Variants in TMEM232 observed in about 807,000 individuals in gnomAD.
The protein encoded by TMEM232 is transmembrane protein 232.
A neutral mutation model predicts 78.8 loss-of-function variants in TMEM232; 80 were observed. The ratio of observed to expected loss-of-function variants is 1.01; its 90% CI spans 0.85 to 1.22. TMEM232 has a LOEUF of 1.22. Ranked by LOEUF, TMEM232 falls within the 50% of genes most tolerant of loss-of-function variation. TMEM232 has a pLI of 0.00. For missense variants in TMEM232, 881 were observed against 742.2 expected, an observed-to-expected ratio of 1.19 and a Z score of -2.17; for synonymous variants, 297 against 254.3, an observed-to-expected ratio of 1.17 and a Z score of -1.60.
chr5:110,578,283 C>T (rs1036791917), intron 10 of TMEM232, among the ~76,000 whole-genome samples: 4 of 151,816 alleles, frequency 2.6e-5, no homozygotes, highest in African/African-American at 9.7e-5. Context: ...ATAATTCTCA[C>T]AGATTTCTGT....
At chr5:110,584,388 T>C (rs1183343499) in intron 10 of TMEM232, among the ~76,000 whole-genome samples, 1 of 152,020 alleles carries the variant, frequency 6.6e-6, no homozygotes, top group Non-Finnish European at 1.5e-5. Context: ...CTAAGTGAAT[T>C]AAGCCAATCA....
intron 12 of TMEM232, among the ~76,000 whole-genome samples, chr5:110,492,124 A>G (rs1765169571): frequency 6.6e-6 from 1 of 152,014 alleles, no homozygotes; most frequent in Non-Finnish European, 1.5e-5. Context: ...TAATGGGTGC[A>G]GCACACCAAC....
chr5:110,721,673 GTA>G (rs10522202), intron 1 of TMEM232, among the ~76,000 whole-genome samples: 2 of 35,496 alleles, frequency 5.6e-5, no homozygotes, highest in South Asian at 1.2e-3. Context: ...GTGTGTGTGT[GTA>G]TATATATATC....
intron 1 of TMEM232, among the ~76,000 whole-genome samples, chr5:110,682,810 C>A (rs1792917909): frequency 6.6e-6 from 1 of 152,080 alleles, no homozygotes; most frequent in Non-Finnish European, 1.5e-5. Context: ...CTGATCCCTC[C>A]ATGGTATCTG....
intron 11 of TMEM232, among the ~76,000 whole-genome samples, chr5:110,566,577 G>C (rs1776367092): frequency 6.6e-6 from 1 of 151,882 alleles, no homozygotes; most frequent in Admixed American, 6.6e-5. Context: ...TAGCAAGAGT[G>C]ACCTTTACTC....
intron 12 of TMEM232, among the ~76,000 whole-genome samples, chr5:110,507,400 A>G (rs1767034750): frequency 6.6e-6 from 1 of 151,902 alleles, no homozygotes; most frequent in African/African-American, 2.4e-5. Context: ...TTCCACAACT[A>G]CTCTACCTCC....
intron 12 of TMEM232, among the ~76,000 whole-genome samples, chr5:110,476,466 G>A (rs1024996968): frequency 2.0e-5 from 3 of 151,932 alleles, no homozygotes; most frequent in Admixed American, 6.6e-5. Context: ...GGAACCATGA[G>A]TAAATAAATT....
At chr5:110,407,755 A>T (rs1580568748) in intron 2 of TMEM232, among the ~76,000 whole-genome samples, 2 of 152,304 alleles carry the variant, frequency 1.3e-5, no homozygotes, top group East Asian at 3.9e-4. Context: ...AACATTTTCC[A>T]GAAGAGACCA....
intron 1 of TMEM232, among the ~76,000 whole-genome samples, chr5:110,680,216 T>C (rs1377189514): frequency 6.6e-6 from 1 of 151,876 alleles, no homozygotes; most frequent in Admixed American, 6.6e-5. Context: ...CTGACCAACA[T>C]GGTGAAACCC....
chr5:110,559,915 T>G (rs1346823196), intron 11 of TMEM232, among the ~76,000 whole-genome samples: 1 of 152,102 alleles, frequency 6.6e-6, no homozygotes, highest in Non-Finnish European at 1.5e-5. Context: ...ATCACTCCAG[T>G]CTTTACCTCT....
rs149438162 is a variant in TMEM232, at chr5:110,631,308, A to C, written c.502-3428T>G. 2.0e-3 allele frequency among the ~76,000 whole-genome samples: 300 copies of C among 152,292 alleles called. 2 individuals are homozygous for C. Among genetic ancestry groups the C allele is most frequent in the Middle Eastern group, 3.4e-3 (1 of 294 alleles). ...GCTTCCTGTCTGAGGCTATGAGAAGAAACACTGCCTCAGCAGTAGCACAAA... is the reference window on the plus strand; with the variant it reads ...GCTTCCTGTCTGAGGCTATGAGAAGCAACACTGCCTCAGCAGTAGCACAAA... On this transcript the variant is annotated intron_variant, in intron 5 of 13. Coordinates refer to ENST00000455884, the MANE Select transcript of TMEM232 (RefSeq NM_001039763.4).
rs187649622 is a variant in TMEM232 at position 110,572,812 on chromosome 5, A to T, written c.1277-4187T>A. Among the ~76,000 whole-genome samples the T allele has an allele frequency of 4.3e-4, 65 of 152,064 alleles. 1 individual carries two copies. In the East Asian group the frequency reaches 0.012, roughly 27 times the overall value. ...CCCAACTGACTGACAGTTAATGAAG[A>T]AAAAAAACCTTATAAAGACAGATGG... is the stretch of plus-strand genomic sequence containing the variant. On this transcript the variant is annotated intron_variant, in intron 10 of 13. Transcript: ENST00000455884.
chr5:110,399,747 C>T (rs150605704), intron 2 of TMEM232, among the ~76,000 whole-genome samples: 2 of 152,260 alleles, frequency 1.3e-5, no homozygotes, highest in African/African-American at 4.8e-5. Flanking sequence ...CATCAACACA[C>T]AGTAAACAGA....
intron 12 of TMEM232, among the ~76,000 whole-genome samples, chr5:110,428,587 T>C (rs1038785156): frequency 2.0e-5 from 3 of 151,468 alleles, no homozygotes; most frequent in Non-Finnish European, 3.0e-5. Flanking sequence ...CAACATACTT[T>C]CTAATGTGCT....
chr5:110,421,574 C>T (rs1470765594), intron 13 of TMEM232, among the ~76,000 whole-genome samples: 1 of 152,034 alleles, frequency 6.6e-6, no homozygotes, highest in East Asian at 1.9e-4. Context: ...AAAGATACTG[C>T]CAATGCTGTC....
At chr5:110,408,330 A>G (rs1844142) in intron 2 of TMEM232, among the ~76,000 whole-genome samples, 5,477 of 152,210 alleles carry the variant, frequency 0.036, 350 homozygotes, top group African/African-American at 0.13. Flanking sequence ...GGTGCCTCAC[A>G]CCTGTAATCC....
chr5:110,623,067 C>T (rs1423645910), intron 7 of TMEM232, among the ~76,000 whole-genome samples: 4 of 151,730 alleles, frequency 2.6e-5, no homozygotes, highest in Non-Finnish European at 5.9e-5. Context: ...GAGTGGAAAA[C>T]TCAATCCAGC....
At chr5:110,400,788 TA>T (rs1314677863) in intron 2 of TMEM232, among the ~76,000 whole-genome samples, 1 of 152,146 alleles carries the variant, frequency 6.6e-6, no homozygotes, top group South Asian at 2.1e-4. Context: ...AACTAAGTGG[TA>T]TTATTTTGGG....
chr5:110,696,080 C>T (rs567929389), intron 1 of TMEM232, among the ~76,000 whole-genome samples: 16 of 152,274 alleles, frequency 1.1e-4, no homozygotes, highest in African/African-American at 3.9e-4. Flanking sequence ...CTGAATCCAG[C>T]AGCACATCAA....
Sources: gnomAD v4.1 joint callset for allele counts (sites outside exome capture counted in the v4.1 genomes callset) on GRCh38, gnomAD v4.1.1 for gene constraint, MANE v1.5 for transcripts, NCBI Gene and HGNC (gene_info 2026-07-23, HGNC 2026-07-21) for gene names.